NKAIN1: variants seen among roughly 807,000 people sequenced by gnomAD.
NKAIN1 encodes sodium/potassium-transporting ATPase subunit beta-1-interacting protein 1.
A neutral mutation model predicts 31.6 loss-of-function variants in NKAIN1; 13 were observed. The observed-to-expected ratio is 0.41, with a 90% CI of 0.27 to 0.65. The LOEUF is 0.65. Among genes scored for constraint, NKAIN1 ranks in the 30% least tolerant of loss-of-function variants. The pLI is 0.30. For missense variants in NKAIN1, 193 were observed against 262.2 expected, an observed-to-expected ratio of 0.74 and a Z score of 1.82; for synonymous variants, 104 against 109.0, an observed-to-expected ratio of 0.95 and a Z score of 0.28.
In NKAIN1 at chr1:31,204,151, T is replaced by C. The variant is rs548785879; in HGVS notation, c.55-15964A>G. ...CTTGGAGGCCTGGGGTGGCTCTGGA[T>C]GAATGAAATGAGGGGTGGCAGGGTG... On this transcript the variant is annotated intron_variant, in intron 1 of 6. Transcript: ENST00000373736. Among the ~76,000 whole-genome samples, 15 of 152,128 alleles carry C rather than the reference T, an allele frequency of 9.9e-5. No individual in the cohort carries two copies. In the East Asian group the frequency reaches 1.9e-3, roughly 20 times the overall value.
intron 1 of NKAIN1, among the ~76,000 whole-genome samples, chr1:31,194,160 A>C (rs1293804799): frequency 6.6e-6 from 1 of 152,134 alleles, no homozygotes; most frequent in East Asian, 1.9e-4. Context: ...TTTTTCTAAA[A>C]TACAAATCTC....
intron 1 of NKAIN1, among the ~76,000 whole-genome samples, chr1:31,215,412 T>G (rs910606884): frequency 2.6e-5 from 4 of 152,176 alleles, no homozygotes; most frequent in Non-Finnish European, 5.9e-5. Context: ...GGACAGCGCT[T>G]CACCACTCAG....
Position 31,223,546 on chromosome 1 carries a change from G to C in NKAIN1, c.54+15948C>G, listed in dbSNP as rs373934496. 2.1e-3 allele frequency among the ~76,000 whole-genome samples: 316 copies of C among 152,118 alleles called. 1 individual carries two copies. The highest frequency in any genetic ancestry group is 0.014 in the South Asian group (69 of 4,822). Reference sequence around the variant, plus strand: ...TGCAAGCTCCACCTCCTGGGTTCACGCCATTCTCCTGCCTCAGCCTTCCAA... The same window carrying C: ...TGCAAGCTCCACCTCCTGGGTTCACCCCATTCTCCTGCCTCAGCCTTCCAA... On this transcript the variant is annotated intron_variant, in intron 1 of 6. Coordinates refer to ENST00000373736, the MANE Select transcript of NKAIN1 (RefSeq NM_024522.3).
chr1:31,197,120 T>C (rs1645333421), intron 1 of NKAIN1, among the ~76,000 whole-genome samples: 1 of 150,474 alleles, frequency 6.6e-6, no homozygotes, highest in Non-Finnish European at 1.5e-5. Flanking sequence ...TTTTTTTTTT[T>C]TTTCTTTTTG....
intron 1 of NKAIN1, among the ~76,000 whole-genome samples, chr1:31,195,892 C>CA (rs35343235): frequency 0.73 from 86,090 of 118,046 alleles, 30,574 homozygotes; most frequent in Middle Eastern, 0.84. Context: ...CTACCTGTCT[C>CA]AAAAAAAAAA....
chr1:31,188,440 T>G (rs1215162967), intron 1 of NKAIN1: 3 of 449,054 alleles, frequency 6.7e-6, no homozygotes, highest in Non-Finnish European at 1.2e-5. Context: ...CCCTTCCCTC[T>G]AGCGGCTCAA....
intron 2 of NKAIN1, among the ~76,000 whole-genome samples, chr1:31,186,141 T>C (rs1188539640): frequency 6.6e-6 from 1 of 151,546 alleles, no homozygotes; most frequent in East Asian, 1.9e-4. Flanking sequence ...GGTGGGCAGA[T>C]CACCTGAGGT....
intron 1 of NKAIN1, among the ~76,000 whole-genome samples, chr1:31,234,360 C>T (rs1182225796): frequency 2.0e-5 from 3 of 152,250 alleles, no homozygotes; most frequent in East Asian, 1.9e-4. Context: ...CTTTGGTCTT[C>T]GCCGTCACTA....
At chr1:31,196,861 T>A (rs973183930) in intron 1 of NKAIN1, among the ~76,000 whole-genome samples, 1 of 152,206 alleles carries the variant, frequency 6.6e-6, no homozygotes, top group African/African-American at 2.4e-5. Flanking sequence ...AGAGGCAGGA[T>A]GACCTAGTGG....
chr1:31,191,391 C>A, intron 1 of NKAIN1, among the ~76,000 whole-genome samples: 1 of 131,170 alleles, frequency 7.6e-6, no homozygotes, highest in Non-Finnish European at 1.6e-5. Context: ...TGATAGAAAA[C>A]AGAGAGAGGT....
At position 31,214,035 on chromosome 1, in the gene NKAIN1, T is replaced by A. The variant is rs1301185957; in HGVS notation, c.54+25459A>T. ...AAAAATTAATTAATTAATTAATTAATTAATTAAACAAAATAAAAATTTAAG... is the reference window on the plus strand; with the variant it reads ...AAAAATTAATTAATTAATTAATTAAATAATTAAACAAAATAAAAATTTAAG... On this transcript the variant is annotated intron_variant, in intron 1 of 6. Transcript: ENST00000373736. Among the ~76,000 whole-genome samples, 3 of 148,452 alleles carry A rather than the reference T, an allele frequency of 2.0e-5. No homozygotes were observed. The South Asian group carries it at 6.4e-4, about 32-fold the overall frequency.
chr1:31,219,413 A>T (rs1333327635), intron 1 of NKAIN1, among the ~76,000 whole-genome samples: 1 of 152,216 alleles, frequency 6.6e-6, no homozygotes, highest in Non-Finnish European at 1.5e-5. Flanking sequence ...TCCTCTGGAG[A>T]AGCCCCGGCA....
At chr1:31,216,402 T>C (rs1267897284) in intron 1 of NKAIN1, among the ~76,000 whole-genome samples, 1 of 152,214 alleles carries the variant, frequency 6.6e-6, no homozygotes, top group Non-Finnish European at 1.5e-5. Flanking sequence ...CTATGTCAAG[T>C]ATCTCTCCAA....
chr1:31,222,571 G>T (rs1329190727), intron 1 of NKAIN1, among the ~76,000 whole-genome samples: 3 of 152,170 alleles, frequency 2.0e-5, no homozygotes, highest in Non-Finnish European at 4.4e-5. Flanking sequence ...GCTGGTGCAG[G>T]GTGAGAGGAA....
chr1:31,193,604 G>A (rs1645302803), intron 1 of NKAIN1, among the ~76,000 whole-genome samples: 1 of 151,978 alleles, frequency 6.6e-6, no homozygotes. Flanking sequence ...GCTGAGGCAG[G>A]AGAATTACTT....
Position 31,181,818 on chromosome 1 carries a change from G to A in NKAIN1, c.614+42C>T, listed in dbSNP as rs577869944. On this transcript the variant is annotated intron_variant, in intron 6 of 6. Transcript: ENST00000373736. ...TCCATCCCCTCCTTTTCGCAACCCC[G>A]ACGCCCAGGCCTCCCCAAGCCAGCA... 1.1e-5 allele frequency: 18 copies of A among 1,579,144 alleles called. No homozygotes were observed. In the African/African-American group the frequency reaches 2.0e-4, roughly 18 times the overall value.
At chr1:31,184,066 GCTACTC>G in intron 3 of NKAIN1, 52 bp from the exon 4 acceptor site, 1 of 1,505,778 alleles carries the variant, frequency 6.6e-7, no homozygotes, top group South Asian at 1.2e-5. Flanking sequence ...GGAGGGGGGA[GCTACTC>G]CCCCAGCCCA....
intron 1 of NKAIN1, among the ~76,000 whole-genome samples, chr1:31,236,744 A>G (rs1569598093): frequency 6.6e-6 from 1 of 152,186 alleles, no homozygotes; most frequent in Non-Finnish European, 1.5e-5. Context: ...TCAAGCCTCT[A>G]GTGCTGGTGA....
At chr1:31,229,545 A>AT (rs926348037) in intron 1 of NKAIN1, among the ~76,000 whole-genome samples, 15 of 150,326 alleles carry the variant, frequency 1.0e-4, no homozygotes, top group Non-Finnish European at 1.9e-4. Flanking sequence ...AATCTTTTAC[A>AT]TTTTTTTTTC....
Sources: allele counts gnomAD v4.1 joint callset (sites outside exome capture counted in the v4.1 genomes callset), GRCh38; gene constraint gnomAD v4.1.1; transcripts MANE v1.5; gene names NCBI Gene and HGNC (gene_info 2026-07-23, HGNC 2026-07-21).